SERPINB6: variants seen among roughly 807,000 people sequenced by gnomAD.
SERPINB6 encodes the protein serpin B6.
In SERPINB6, 16 loss-of-function variants were observed where a neutral mutation model predicts 26.1. That is an observed-to-expected ratio of 0.61 (90% CI 0.42 to 0.93). The LOEUF (loss-of-function observed/expected upper bound fraction) is 0.93. Among genes scored for constraint, SERPINB6 ranks in the 40% least tolerant of loss-of-function variants. The probability of loss-of-function intolerance (pLI) is 0.00; values close to 1 mark genes in which losing one functional copy is unlikely to be tolerated. For missense variants in SERPINB6, 420 were observed against 478.0 expected (o/e 0.88, Z 1.13); for synonymous variants, 174 against 176.6 (o/e 0.99, Z 0.11).
rs1318428057 is a variant in SERPINB6, at chr6:2,949,033, A to C, written c.610T>G (p.Ser204Ala). 1 of 1,614,230 alleles carries C rather than the reference A, an allele frequency of 6.2e-7. No homozygotes were observed. The highest frequency in any genetic ancestry group is 8.5e-7 in the Non-Finnish European group (1 of 1,180,044). The change falls in exon 6 of 7, where the codon TCT becomes GCT. Residue 204 changes from serine to alanine, a missense_variant. Transcript: ENST00000380539. ...CCTATATAGGTCTTCTTAAAAGTAG[A>C]TTGCTTAAACATCATTTGCACAGGT... ...EKPVQMMFKQ[S>A]TFKKTYIGEI...
chr6:2,959,062 G>A, intron 2 of SERPINB6, 106 bp downstream of exon 2: 3 of 1,453,976 alleles, frequency 2.1e-6, no homozygotes, highest in Middle Eastern at 2.3e-4. Flanking sequence ...CCCACACCCT[G>A]CAATACTGCA....
At chr6:2,956,466 C>T (rs10900932) in intron 2 of SERPINB6, 35,752 of 152,282 alleles carry the variant, frequency 0.23, 4,685 homozygotes, top group African/African-American at 0.35. Flanking sequence ...GCTATCCTGC[C>T]GAAGGCCACA....
At position 2,948,386 on chromosome 6, in the gene SERPINB6, C is replaced by T. The variant is rs770619586; in HGVS notation, c.1043G>A (p.Arg348His). 21 of 1,614,118 alleles carry T rather than the reference C, an allele frequency of 1.3e-5. No individual in the cohort carries two copies. Among genetic ancestry groups the T allele is most frequent in the Middle Eastern group, 1.6e-4 (1 of 6,062 alleles). ...AAGGAAGGGGTGGTCGGCGCAGAAG[C>T]GGGGGACGAATCTGGCACACCGCAT... ...MMMRCARFVP[R>H]FCADHPFLFF... The change falls in exon 7 of 7, where the codon CGC (arginine) becomes CAC (histidine). Residue 348 changes from arginine (R) to histidine (H), a missense_variant. Transcript: ENST00000380539. The surrounding 1 kb of genome is among the most constrained non-coding windows in gnomAD (Gnocchi z 5.0).
chr6:2,961,472 T>C (rs1453047940), intron 1 of SERPINB6: 1 of 152,106 alleles, frequency 6.6e-6, no homozygotes, highest in Non-Finnish European at 1.5e-5. Context: ...TGAAGCAAAA[T>C]TGGGCCTATT....
At chr6:2,951,618 C>T (rs1164938273) in intron 5 of SERPINB6, among the ~76,000 whole-genome samples, 1 of 152,098 alleles carries the variant, frequency 6.6e-6, no homozygotes, top group Non-Finnish European at 1.5e-5. Context: ...TAGACAAGTT[C>T]CAGTTTATAT....
chr6:2,950,745 C>G (rs569286262), intron 5 of SERPINB6, among the ~76,000 whole-genome samples: 1 of 152,210 alleles, frequency 6.6e-6, no homozygotes, highest in African/African-American at 2.4e-5. Flanking sequence ...GTTCCTGACT[C>G]GGAGCTGCTC....
At chr6:2,957,168 G>A (rs1770599254) in intron 2 of SERPINB6, 1 of 153,136 alleles carries the variant, frequency 6.5e-6, no homozygotes, top group South Asian at 2.1e-4. Flanking sequence ...AGGGGGCTGT[G>A]TGTGTACCAG....
Position 2,971,253 on chromosome 6 carries a change from C to T in SERPINB6, c.-11+280G>A, listed in dbSNP as rs555082290. 11 of 893,410 alleles carry T rather than the reference C, an allele frequency of 1.2e-5. No homozygotes were observed. In the East Asian group the frequency reaches 1.2e-3, roughly 97 times the overall value. The allele number at this position is 893,410 out of a possible 1,614,324, so 55.3% of individuals were successfully genotyped here. On this transcript the variant is annotated intron_variant, in intron 1 of 6. Coordinates refer to ENST00000380539, the MANE Select transcript of SERPINB6 (RefSeq NM_004568.6). ...CGCGGCCACGCACGACTCACCCGGC[C>T]GCGTCGCCGTTCTCTGCCGCTGCGA...
At chr6:2,971,302 G>T in intron 1 of SERPINB6, 1 of 530,778 alleles carries the variant, frequency 1.9e-6, no homozygotes, top group Non-Finnish European at 2.4e-6. Flanking sequence ...AACCCAAGCC[G>T]GACGCTCGCC....
chr6:2,956,987 C>CA (rs1228606098), intron 2 of SERPINB6: 1 of 152,200 alleles, frequency 6.6e-6, no homozygotes. Flanking sequence ...TTGTTATTTC[C>CA]AGCCACTAAG....
intron 5 of SERPINB6, among the ~76,000 whole-genome samples, chr6:2,950,730 C>A (rs1769694876): frequency 1.3e-5 from 2 of 152,204 alleles, no homozygotes; most frequent in Non-Finnish European, 2.9e-5. Flanking sequence ...CAACAATCCC[C>A]CTCAGTTCCT....
intron 1 of SERPINB6, chr6:2,962,244 C>T (rs540861682): frequency 1.0e-6 from 1 of 982,678 alleles, no homozygotes; most frequent in East Asian, 1.1e-4. Flanking sequence ...AGTCGGTGCA[C>T]ATGAGTTTCA....
intron 1 of SERPINB6, chr6:2,969,919 G>T: frequency 1.3e-6 from 1 of 746,736 alleles, no homozygotes; most frequent in South Asian, 6.1e-5. Flanking sequence ...GGCAGATCAC[G>T]AGGTCAGGAG....
chr6:2,969,745 C>T, intron 1 of SERPINB6: 2 of 976,148 alleles, frequency 2.0e-6, no homozygotes, highest in South Asian at 4.8e-5. Context: ...TGCTTTGTCC[C>T]TCTGTTTCCT....
At chr6:2,949,836 G>A (rs180889852) in intron 5 of SERPINB6, among the ~76,000 whole-genome samples, 1 of 152,232 alleles carries the variant, frequency 6.6e-6, no homozygotes, top group East Asian at 1.9e-4. Flanking sequence ...ATAAGAGCTC[G>A]TCCCCAGTTC....
At position 2,948,894 on chromosome 6, in the gene SERPINB6, G is replaced by A. The variant is rs374316780; in HGVS notation, c.729+20C>T. ...GAGTGGCTCCTTGCTAGCACGCCTC[G>A]CTCACAGCTTAGCTGTTACCGTTCT... On this transcript the variant is annotated intron_variant, in intron 6 of 6. Transcript: ENST00000380539. The surrounding 1 kb of genome is among the most constrained non-coding windows in gnomAD (Gnocchi z 5.0). 1.7e-5 allele frequency: 27 copies of A among 1,613,956 alleles called. No homozygotes were observed. The highest frequency in any genetic ancestry group is 6.7e-5 in the Admixed American group (4 of 60,002).
chr6:2,954,760 C>A, intron 3 of SERPINB6, 51 bp from the exon 4 acceptor site: 1 of 1,186,690 alleles, frequency 8.4e-7, no homozygotes, highest in Non-Finnish European at 1.3e-6. Context: ...TGATGAACAC[C>A]AACGGCCTAC....
chr6:2,959,579 C>T (rs1770876636), intron 1 of SERPINB6: 4 of 535,012 alleles, frequency 7.5e-6, no homozygotes, highest in Admixed American at 6.1e-5. Context: ...AGGACTCCTC[C>T]CTGCACGCCT....
chr6:2,970,662 C>T (rs973397565), intron 1 of SERPINB6: 34 of 1,206,738 alleles, frequency 2.8e-5, no homozygotes, highest in Non-Finnish European at 3.4e-5. Flanking sequence ...GTATTCCTGA[C>T]AGCATGTGAA....
Sources: gnomAD v4.1 joint callset for allele counts (sites outside exome capture counted in the v4.1 genomes callset) on GRCh38, gnomAD v4.1.1 for gene constraint, Gnocchi (gnomAD v3.1) non-coding constraint, MANE v1.5 for transcripts, NCBI Gene and HGNC (gene_info 2026-07-23, HGNC 2026-07-21) for gene names.